Variants in ADAMTSL1 observed in about 807,000 individuals in gnomAD.
The protein encoded by ADAMTSL1 is ADAMTS like 1, also known as ADAMTS-like protein 1.
In ADAMTSL1, 126 loss-of-function variants were observed where a neutral mutation model predicts 201.8. The observed-to-expected ratio is 0.62, with a 90% CI of 0.54 to 0.72. The LOEUF (loss-of-function observed/expected upper bound fraction) is 0.72, where lower values mean the gene tolerates loss of function less well. Ranked by LOEUF, ADAMTSL1 falls within the 30% of genes least tolerant of loss-of-function variation. ADAMTSL1 has a pLI of 0.00. For synonymous variants in ADAMTSL1, 1,121 were observed against 903.4 expected, an observed-to-expected ratio of 1.24 and a Z score of -4.32; for missense variants, 2,679 against 2,277.8, an observed-to-expected ratio of 1.18 and a Z score of -3.59.
At chr9:18,851,102 C>T (rs1473324704) in intron 23 of ADAMTSL1, among the ~76,000 whole-genome samples, 1 of 152,086 alleles carries the variant, frequency 6.6e-6, no homozygotes, top group Non-Finnish European at 1.5e-5. Flanking sequence ...AGAACTTGAT[C>T]ACCATTGTGA....
intron 1 of ADAMTSL1, among the ~76,000 whole-genome samples, chr9:17,954,892 G>T (rs1252371305): frequency 6.6e-6 from 1 of 152,106 alleles, no homozygotes; most frequent in African/African-American, 2.4e-5. Flanking sequence ...GAAGATGCTG[G>T]ACCTGGAGTC....
At position 18,777,337 on chromosome 9, in the gene ADAMTSL1, A is replaced by AGGGCGGCTGGCCCG; in HGVS notation, c.3109_3110insGGCGGCTGGCCCGG (p.Glu1037GlyfsTer41). On this transcript the variant is annotated frameshift_variant, in exon 19 of 29. Transcript: ENST00000380548. LOFTEE classifies it high-confidence loss of function. ...TGCTGGAGCAGGGCGGCTGGCCCGG[A>AGGGCGGCTGGCCCG]GAGCTGCTGGCCTCGTGGGAGGCGC... 6.2e-6 allele frequency: 10 copies of AGGGCGGCTGGCCCG among 1,601,808 alleles called. No individual in the cohort carries two copies. The highest frequency in any genetic ancestry group is 8.5e-6 in the Non-Finnish European group (10 of 1,174,508).
intron 1 of ADAMTSL1, among the ~76,000 whole-genome samples, chr9:18,009,508 C>G (rs1002129156): frequency 1.3e-5 from 2 of 152,052 alleles, no homozygotes; most frequent in Admixed American, 6.6e-5. Context: ...TTTAGTTACT[C>G]TTTGCTGTTT....
chr9:18,236,758 A>G (rs1391191206), intron 2 of ADAMTSL1, among the ~76,000 whole-genome samples: 3 of 152,222 alleles, frequency 2.0e-5, no homozygotes, highest in Non-Finnish European at 4.4e-5. Context: ...TACACATCCC[A>G]TTATTATATA....
chr9:17,984,389 C>T (rs1374094944), intron 1 of ADAMTSL1, among the ~76,000 whole-genome samples: 1 of 151,968 alleles, frequency 6.6e-6, no homozygotes, highest in Non-Finnish European at 1.5e-5. Flanking sequence ...CTAAATGGGA[C>T]AATATTATAC....
intron 2 of ADAMTSL1, among the ~76,000 whole-genome samples, chr9:18,424,780 G>C (rs1185251614): frequency 6.6e-6 from 1 of 152,150 alleles, no homozygotes; most frequent in East Asian, 1.9e-4. Context: ...TTATTTTCAA[G>C]TGGAATCTTG....
intron 19 of ADAMTSL1, among the ~76,000 whole-genome samples, chr9:18,792,661 C>T (rs1449236124): frequency 6.6e-6 from 1 of 152,156 alleles, no homozygotes; most frequent in Non-Finnish European, 1.5e-5. Context: ...TTTGTGAAAG[C>T]ATAAATATTC....
At chr9:17,940,060 G>T (rs993515272) in intron 1 of ADAMTSL1, among the ~76,000 whole-genome samples, 1 of 152,040 alleles carries the variant, frequency 6.6e-6, no homozygotes, top group African/African-American at 2.4e-5. Flanking sequence ...CAATAGGTGT[G>T]GTTAGAATGT....
At chr9:18,354,152 C>T (rs1001193267) in intron 2 of ADAMTSL1, among the ~76,000 whole-genome samples, 13 of 150,526 alleles carry the variant, frequency 8.6e-5, no homozygotes, top group African/African-American at 3.2e-4. Flanking sequence ...ATATCCCATA[C>T]ATCTGTCTCT....
intron 3 of ADAMTSL1, among the ~76,000 whole-genome samples, chr9:18,567,216 G>C (rs1019563478): frequency 6.6e-6 from 1 of 152,150 alleles, no homozygotes; most frequent in Non-Finnish European, 1.5e-5. Flanking sequence ...GTTAATCTCA[G>C]CACTTTGGGA....
At chr9:18,521,749 T>A (rs987539856) in intron 2 of ADAMTSL1, among the ~76,000 whole-genome samples, 49 of 152,264 alleles carry the variant, frequency 3.2e-4, no homozygotes, top group Admixed American at 3.2e-3. Flanking sequence ...ATGTTATAAA[T>A]TAGAATTAAA....
rs1157492042 is a variant in ADAMTSL1 at position 18,124,077 on chromosome 9, G to GTTTT, written c.88-39765_88-39762dup. Among the ~76,000 whole-genome samples the GTTTT allele has an allele frequency of 4.3e-3, 307 of 70,794 alleles. 4 individuals carry two copies. The highest frequency in any genetic ancestry group is 0.022 in the East Asian group (43 of 1,922). The allele number at this position is 70,794 out of a possible 152,430, so 46.4% of individuals were successfully genotyped here. A position where few individuals can be genotyped will look rare whatever the true frequency, so the allele number is the denominator to read the frequency against. On this transcript the variant is annotated intron_variant, in intron 1 of 29. Coordinates refer to the ADAMTSL1 transcript ENST00000680146. ...TATCTTTTTATGTGCTTATTTGCCA[G>GTTTT]TTTTTTTTTTTTTTTTTTTTTTTGA...
At chr9:18,432,412 A>G (rs923148139) in intron 2 of ADAMTSL1, among the ~76,000 whole-genome samples, 9 of 152,330 alleles carry the variant, frequency 5.9e-5, no homozygotes, top group African/African-American at 2.2e-4. Flanking sequence ...ACATTATTCT[A>G]TGTTTCCCGT....
intron 1 of ADAMTSL1, among the ~76,000 whole-genome samples, chr9:18,120,809 A>C (rs1825463371): frequency 6.6e-6 from 1 of 152,212 alleles, no homozygotes; most frequent in African/African-American, 2.4e-5. Flanking sequence ...GTTTTTAGTC[A>C]TGTAATTTAA....
At chr9:18,660,040 A>T (rs1412218095) in intron 8 of ADAMTSL1, among the ~76,000 whole-genome samples, 1 of 152,168 alleles carries the variant, frequency 6.6e-6, no homozygotes, top group Admixed American at 6.5e-5. Flanking sequence ...TAATAGGGAC[A>T]TTGATGTTAG....
chr9:18,229,444 A>G (rs1830559890), intron 2 of ADAMTSL1, among the ~76,000 whole-genome samples: 1 of 152,056 alleles, frequency 6.6e-6, no homozygotes, highest in Non-Finnish European at 1.5e-5. Flanking sequence ...CCACCCTGCC[A>G]GGAAATAAAT....
rs1820640615 is a variant in ADAMTSL1, at chr9:18,770,682, G to A, written c.2298G>A (p.Glu766=). The change falls in exon 17 of 29, where the codon GAG becomes GAA. Residue 766 remains glutamate (E), a synonymous_variant. Transcript: ENST00000380548. ...GCATGGCTGATGGCAGCTTCCTGGA[G>A]CTTCCTGAGACCTTCTGTTCAGCTT... The part of the protein sequence containing the change: ...KQRMADGSFL[E]LPETFCSASK... 1 of 1,613,656 alleles carries A rather than the reference G, an allele frequency of 6.2e-7. No individual in the cohort carries two copies. Among genetic ancestry groups the A allele is most frequent in the African/African-American group, 1.3e-5 (1 of 74,904 alleles).
intron 2 of ADAMTSL1, among the ~76,000 whole-genome samples, chr9:18,246,877 T>C (rs1342669299): frequency 6.6e-6 from 1 of 152,066 alleles, no homozygotes. Flanking sequence ...GTAATAAATA[T>C]ATGGTGTGGA....
intron 2 of ADAMTSL1, among the ~76,000 whole-genome samples, chr9:18,429,126 T>G (rs1368608663): frequency 6.6e-6 from 1 of 152,180 alleles, no homozygotes; most frequent in Non-Finnish European, 1.5e-5. Context: ...TGTATATAAA[T>G]ATATATACAT....
Sources: allele counts gnomAD v4.1 joint callset (sites outside exome capture counted in the v4.1 genomes callset), GRCh38; gene constraint gnomAD v4.1.1; transcripts MANE v1.5; gene names NCBI Gene and HGNC (gene_info 2026-07-23, HGNC 2026-07-21).